Variants in ANKS1B observed in about 807,000 individuals in gnomAD.
ANKS1B encodes the protein ankyrin repeat and sterile alpha motif domain containing 1B.
A neutral mutation model predicts 148.3 loss-of-function variants in ANKS1B; 36 were observed. The ratio of observed to expected loss-of-function variants is 0.24; its 90% CI spans 0.19 to 0.32. The LOEUF (loss-of-function observed/expected upper bound fraction) is 0.32. ANKS1B is among the 10% of genes least tolerant of loss of function. ANKS1B has a pLI of 1.00. For missense variants in ANKS1B, 1,157 were observed against 1,542.6 expected (o/e 0.75, Z 4.19); for synonymous variants, 542 against 560.8 (o/e 0.97, Z 0.47).
chr12:98,831,880 G>T, intron 18 of ANKS1B, 149 bp downstream of exon 18: 1 of 702,234 alleles, frequency 1.4e-6, no homozygotes, highest in Non-Finnish European at 2.6e-6. Flanking sequence ...CTCCGGAGTA[G>T]CTGGGACTAC....
chr12:98,775,391 C>G (rs35018642), intron 24 of ANKS1B, among the ~76,000 whole-genome samples: 12,527 of 152,134 alleles, frequency 0.082, 681 homozygotes, highest in Non-Finnish European at 0.12. Flanking sequence ...CTTTGGTACT[C>G]TCTCCTCCTG....
At chr12:99,384,345 A>C (rs772783620) in intron 12 of ANKS1B, among the ~76,000 whole-genome samples, 4 of 152,180 alleles carry the variant, frequency 2.6e-5, no homozygotes, top group Admixed American at 6.5e-5. Context: ...AAATGTTGAC[A>C]ATACCGTTTG....
chr12:99,393,496 A>C (rs944490304), intron 12 of ANKS1B, among the ~76,000 whole-genome samples: 15 of 152,242 alleles, frequency 9.9e-5, no homozygotes, highest in Non-Finnish European at 1.5e-5. Flanking sequence ...TGTTAAACAA[A>C]TGGAAAGATT....
intron 17 of ANKS1B, among the ~76,000 whole-genome samples, chr12:98,859,203 T>C (rs961940178): frequency 1.1e-4 from 16 of 152,298 alleles, no homozygotes; most frequent in South Asian, 2.1e-4. Context: ...TAGGCAGCAA[T>C]AGGAACTCAA....
At chr12:99,585,377 C>T (rs373032691) in intron 9 of ANKS1B, among the ~76,000 whole-genome samples, 3 of 152,176 alleles carry the variant, frequency 2.0e-5, no homozygotes, top group Non-Finnish European at 2.9e-5. Context: ...TGGACAGCTC[C>T]GCCCCTGTGG....
At chr12:99,220,299 A>AAAAGCAGCATTTCTAATCAGTGAGGAT (rs2084894149) in intron 14 of ANKS1B, among the ~76,000 whole-genome samples, 1 of 151,990 alleles carries the variant, frequency 6.6e-6, no homozygotes, top group African/African-American at 2.4e-5. Flanking sequence ...TGCCTGGCCT[A>AAAAGCAGCATTTCTAATCAGTGAGGAT]GACACATTAT....
In ANKS1B at chr12:99,465,859, C is replaced by A. The variant is rs1003942833; in HGVS notation, c.1439-22050G>T. 7.2e-5 allele frequency among the ~76,000 whole-genome samples: 11 copies of A among 152,208 alleles called. No homozygotes were observed. In the East Asian group the frequency reaches 1.9e-3, roughly 27 times the overall value. On this transcript the variant is annotated intron_variant, in intron 10 of 26. Transcript: ENST00000683438. ...AATAATAATGGGAGACTATAACACC[C>A]CACTGTCAACATTAGACAGATCAAC...
At chr12:99,174,505 G>A (rs976191781) in intron 14 of ANKS1B, among the ~76,000 whole-genome samples, 3 of 152,140 alleles carry the variant, frequency 2.0e-5, no homozygotes, top group Non-Finnish European at 4.4e-5. Flanking sequence ...TTCATTCAGA[G>A]TTGACCACAT....
intron 17 of ANKS1B, among the ~76,000 whole-genome samples, chr12:99,020,713 A>C (rs1399249606): frequency 6.6e-6 from 1 of 152,132 alleles, no homozygotes; most frequent in East Asian, 1.9e-4. Context: ...ACATATATAC[A>C]CTGTCTTTGG....
chr12:99,396,053 A>T (rs957840484), intron 12 of ANKS1B, among the ~76,000 whole-genome samples: 2 of 152,188 alleles, frequency 1.3e-5, no homozygotes, highest in African/African-American at 4.8e-5. Flanking sequence ...ACAGATTTCA[A>T]ATAATAGTAT....
At chr12:99,303,369 T>G (rs760579438) in intron 12 of ANKS1B, among the ~76,000 whole-genome samples, 2 of 152,096 alleles carry the variant, frequency 1.3e-5, no homozygotes, top group East Asian at 1.9e-4. Context: ...AACCTCCCAT[T>G]TGAGGCTCTA....
intron 1 of ANKS1B, among the ~76,000 whole-genome samples, chr12:99,838,328 T>C (rs745820240): frequency 7.9e-5 from 12 of 152,200 alleles, no homozygotes; most frequent in Non-Finnish European, 1.3e-4. Flanking sequence ...TTCTTTGAGA[T>C]ATTTCCATGA....
intron 1 of ANKS1B, among the ~76,000 whole-genome samples, chr12:99,879,496 C>A (rs1038855212): frequency 7.2e-5 from 11 of 152,062 alleles, no homozygotes; most frequent in Non-Finnish European, 1.5e-4. Context: ...TGTATGCCAC[C>A]CACATCATCT....
At chr12:99,555,884 C>A (rs114699194) in intron 9 of ANKS1B, among the ~76,000 whole-genome samples, 1,528 of 152,088 alleles carry the variant, frequency 0.01, 35 homozygotes, top group African/African-American at 0.035. Context: ...AGGATATTGG[C>A]CTGAAGATTT....
At chr12:99,931,755 A>T (rs1006058232) in intron 1 of ANKS1B, among the ~76,000 whole-genome samples, 1 of 152,172 alleles carries the variant, frequency 6.6e-6, no homozygotes, top group African/African-American at 2.4e-5. Flanking sequence ...CATCACCTCA[A>T]GCATTTATTT....
At chr12:99,901,399 T>C (rs1030859586) in intron 1 of ANKS1B, among the ~76,000 whole-genome samples, 6 of 152,230 alleles carry the variant, frequency 3.9e-5, no homozygotes, top group African/African-American at 1.4e-4. Context: ...TCAAATTTAA[T>C]ATGCCCTAGA....
intron 12 of ANKS1B, among the ~76,000 whole-genome samples, chr12:99,248,868 G>A (rs2074216563): frequency 6.6e-6 from 1 of 152,226 alleles, no homozygotes; most frequent in South Asian, 2.1e-4. Flanking sequence ...GGACAAGCAA[G>A]TAGGCTCTTT....
chr12:99,801,568 G>C (rs1323361490), intron 4 of ANKS1B, among the ~76,000 whole-genome samples: 1 of 152,062 alleles, frequency 6.6e-6, no homozygotes, highest in Non-Finnish European at 1.5e-5. Context: ...ATGGAGGAAA[G>C]AAATTGGATA....
At chr12:99,327,298 T>C (rs2086586135) in intron 12 of ANKS1B, among the ~76,000 whole-genome samples, 1 of 120,908 alleles carries the variant, frequency 8.3e-6, no homozygotes, top group Admixed American at 9.8e-5. Context: ...ACATATAAAA[T>C]ATGTAATTAT....
Sources: allele counts gnomAD v4.1 joint callset (sites outside exome capture counted in the v4.1 genomes callset), GRCh38; gene constraint gnomAD v4.1.1; transcripts MANE v1.5; gene names NCBI Gene and HGNC (gene_info 2026-07-23, HGNC 2026-07-21).